GRK2: variants seen among roughly 807,000 people sequenced by gnomAD.
GRK2 encodes G protein-coupled receptor kinase 2.
GRK2 carries 23 observed loss-of-function variants against 97.8 expected under a neutral mutation model. The ratio of observed to expected loss-of-function variants is 0.24; its 90% CI spans 0.17 to 0.33. The LOEUF (loss-of-function observed/expected upper bound fraction) is 0.33, where lower values mean the gene tolerates loss of function less well. GRK2 is among the 10% of genes least tolerant of loss of function. The pLI, the probability that GRK2 is intolerant of heterozygous loss-of-function variation, is 1.00. For synonymous variants in GRK2, 425 were observed against 381.7 expected, an observed-to-expected ratio of 1.11 and a Z score of -1.32; for missense variants, 633 against 956.9, an observed-to-expected ratio of 0.66 and a Z score of 4.47.
chr11:67,281,309 C>G lies in GRK2; in HGVS notation c.647+125C>G. 9.3e-7 allele frequency: 1 copy of G among 1,075,108 alleles called. No homozygotes were observed. Among genetic ancestry groups the G allele is most frequent in the South Asian group, 1.4e-5 (1 of 71,042 alleles). The allele number at this position is 1,075,108 out of a possible 1,614,324, so 66.6% of individuals were successfully genotyped here. On this transcript the variant is annotated intron_variant, in intron 8 of 20. Coordinates refer to ENST00000308595, the MANE Select transcript of GRK2 (RefSeq NM_001619.5). The surrounding 1 kb of genome is among the most constrained non-coding windows in gnomAD (Gnocchi z 5.7). The stretch of plus-strand genomic sequence containing the variant: ...CACTCCTGTCTTGCCGTGCTGTTAC[C>G]CCCGCAGGCTCCTCTGGCCCCAGCC...
chr11:67,282,690 C>T lies in GRK2; in HGVS notation c.1161-62C>T, dbSNP rs1171367261. ...TGACTTTGGCCACAGCTCATCCATGCTGCCTGCCTCCCTTTCCCCATTCCT... is the reference window on the plus strand; with the variant it reads ...TGACTTTGGCCACAGCTCATCCATGTTGCCTGCCTCCCTTTCCCCATTCCT... On this transcript the variant is annotated intron_variant, in intron 13 of 20. Coordinates refer to ENST00000308595, the MANE Select transcript of GRK2 (RefSeq NM_001619.5). The surrounding 1 kb of genome is among the most constrained non-coding windows in gnomAD (Gnocchi z 6.9). 6.3e-7 allele frequency: 1 copy of T among 1,594,614 alleles called. No individual in the cohort carries two copies.
intron 6 of GRK2, chr11:67,280,278 T>C (rs1860121116): frequency 5.2e-6 from 2 of 381,522 alleles, no homozygotes; most frequent in Non-Finnish European, 4.9e-6. Flanking sequence ...CCCGTGACCC[T>C]CACAGCCAGA....
Position 67,269,106 on chromosome 11 carries a change from G to T in GRK2, c.113+2294G>T, listed in dbSNP as rs555679349. On this transcript the variant is annotated intron_variant, in intron 1 of 20. Transcript: ENST00000308595. This position sits in a 1 kb window ranked among gnomAD's most constrained non-coding sequence, Gnocchi z 4.1. ...TGGCCACCCCTACATGGGGGTCCAG[G>T]CCTGGGGCATTAGGGAGCAGGCCAC... is the stretch of plus-strand genomic sequence containing the variant. Among the ~76,000 whole-genome samples, 1 of 152,372 alleles carries T rather than the reference G, an allele frequency of 6.6e-6. No individual in the cohort carries two copies. Among genetic ancestry groups the T allele is most frequent in the Admixed American group, 6.5e-5 (1 of 15,308 alleles).
Position 67,266,826 on chromosome 11 carries a change from G to A in GRK2, c.113+14G>A. ...GCCCGAGCCCAGGTGAGGAGAAGCT[G>A]CCCGCGGCCCCGGCCCGACCCCGCG... On this transcript the variant is annotated intron_variant, in intron 1 of 20. Transcript: ENST00000308595. 1 of 1,234,270 alleles carries A rather than the reference G, an allele frequency of 8.1e-7. No homozygotes were observed. Among genetic ancestry groups the A allele is most frequent in the Non-Finnish European group, 1.0e-6 (1 of 972,076 alleles). The allele number at this position is 1,234,270 out of a possible 1,614,324, so 76.5% of individuals were successfully genotyped here. A position where few individuals can be genotyped will look rare whatever the true frequency, so the allele number is the denominator to read the frequency against.
At position 67,279,998 on chromosome 11, in the gene GRK2, C is replaced by A. The variant is rs909554071; in HGVS notation, c.503+98C>A. The A allele has an allele frequency of 9.0e-5, 115 of 1,272,022 alleles. 1 individual carries two copies. Among genetic ancestry groups the A allele is most frequent in the Non-Finnish European group, 1.2e-4 (102 of 876,928 alleles). The allele number at this position is 1,272,022 out of a possible 1,614,324, so 78.8% of individuals were successfully genotyped here. On this transcript the variant is annotated intron_variant, in intron 6 of 20. Transcript: ENST00000308595. The stretch of plus-strand genomic sequence containing the variant: ...AGGGCAGAAGCCAGCCTTCATTAGG[C>A]CCTGAGCAGGCAGGTGGCTGGCCCG...
intron 6 of GRK2, 68 bp from the exon 7 acceptor site, chr11:67,280,664 G>C: frequency 6.3e-7 from 1 of 1,581,092 alleles, no homozygotes; most frequent in Non-Finnish European, 8.7e-7. Flanking sequence ...GCTGGGTGGG[G>C]AGGCTCACGA....
chr11:67,273,011 G>T (rs558279181), intron 1 of GRK2, among the ~76,000 whole-genome samples: 1 of 152,378 alleles, frequency 6.6e-6, no homozygotes, highest in African/African-American at 2.4e-5. Flanking sequence ...CTCTCCCATG[G>T]CCCAGCAGGC....
chr11:67,271,822 C>T (rs1859913653), intron 1 of GRK2, among the ~76,000 whole-genome samples: 2 of 152,328 alleles, frequency 1.3e-5, no homozygotes, highest in South Asian at 2.1e-4. Context: ...CTTGTTCGCC[C>T]CAGGGAGAGT....
intron 1 of GRK2, among the ~76,000 whole-genome samples, 158 bp downstream of exon 1, chr11:67,266,970 C>G (rs2136485466): frequency 6.6e-6 from 1 of 151,880 alleles, no homozygotes; most frequent in East Asian, 2.0e-4. Context: ...CCGGCCTTGG[C>G]GCCTGCGGGT....
At chr11:67,271,818 C>T (rs554288383) in intron 1 of GRK2, among the ~76,000 whole-genome samples, 3 of 152,212 alleles carry the variant, frequency 2.0e-5, no homozygotes, top group Non-Finnish European at 2.9e-5. Flanking sequence ...CGTCCTTGTT[C>T]GCCCCAGGGA....
At chr11:67,267,702 G>A (rs1859827157) in intron 1 of GRK2, among the ~76,000 whole-genome samples, 1 of 152,260 alleles carries the variant, frequency 6.6e-6, no homozygotes, top group Admixed American at 6.5e-5. Flanking sequence ...AAGTACACAG[G>A]ATGTGGACGA....
chr11:67,271,882 C>T (rs1430708512), intron 1 of GRK2, among the ~76,000 whole-genome samples: 1 of 152,194 alleles, frequency 6.6e-6, no homozygotes, highest in African/African-American at 2.4e-5. Flanking sequence ...GCTGCTGGCA[C>T]CTTGGTGTCT....
At chr11:67,271,861 G>A (rs947443949) in intron 1 of GRK2, among the ~76,000 whole-genome samples, 30 of 152,320 alleles carry the variant, frequency 2.0e-4, no homozygotes, top group Admixed American at 1.7e-3. Flanking sequence ...AGCCCCAGGG[G>A]ACTTCCTTCT....
intron 17 of GRK2, 42 bp from the exon 18 acceptor site, chr11:67,284,169 C>A: frequency 6.2e-7 from 1 of 1,609,600 alleles, no homozygotes; most frequent in Non-Finnish European, 8.5e-7. Flanking sequence ...ATTCCGGCAT[C>A]TCTGTCCACC....
intron 1 of GRK2, among the ~76,000 whole-genome samples, chr11:67,271,749 T>G (rs1394901214): frequency 6.6e-6 from 1 of 152,234 alleles, no homozygotes; most frequent in Non-Finnish European, 1.5e-5. Flanking sequence ...TCTCCCCTGC[T>G]CAGGGCTTAC....
intron 2 of GRK2, among the ~76,000 whole-genome samples, chr11:67,277,885 C>CCACATGTGG (rs1860069071): frequency 6.6e-6 from 1 of 152,256 alleles, no homozygotes; most frequent in African/African-American, 2.4e-5. Flanking sequence ...TCTCGGGAAG[C>CCACATGTGG]AGGCTCCAGC....
At position 67,281,942 on chromosome 11, in the gene GRK2, G is replaced by A. The variant is rs2136503015; in HGVS notation, c.947G>A (p.Arg316Gln). The A allele has an allele frequency of 6.2e-7, 1 of 1,613,254 alleles. No individual in the cohort carries two copies. Among genetic ancestry groups the A allele is most frequent in the Non-Finnish European group, 8.5e-7 (1 of 1,179,926 alleles). ...ATGCACAACCGCTTCGTGGTCTACC[G>A]GGACCTGAAGGTGAGCGCCCCTGCT... ...EHMHNRFVVY[R>Q]DLKPANILLD... The change falls in exon 11 of 21, where the codon CGG (arginine) becomes CAG (glutamine). Residue 316 changes from arginine to glutamine, a missense_variant. Around this residue, in one of 4 missense-constraint regions of GRK2, gnomAD observed 192 missense variants for 362.3 expected, o/e 0.53. Coordinates refer to ENST00000308595, the MANE Select transcript of GRK2 (RefSeq NM_001619.5). This position sits in a 1 kb window ranked among gnomAD's most constrained non-coding sequence, Gnocchi z 5.7.
In GRK2 at chr11:67,277,284, C is replaced by T; in HGVS notation, c.126C>T (p.Val42=). 1.9e-6 allele frequency: 3 copies of T among 1,613,700 alleles called. No individual in the cohort carries two copies. Among genetic ancestry groups the T allele is most frequent in the Non-Finnish European group, 2.5e-6 (3 of 1,179,960 alleles). ...ILLPEPSIRS[V]MQKYLEDRGE... ...CCCTGACCCACAGCATCCGCAGTGT[C>T]ATGCAGAAGTACCTGGAGGACCGGG... is the stretch of plus-strand genomic sequence containing the variant. The change falls in exon 2 of 21, where the codon GTC becomes GTT. Residue 42 remains valine (V), a synonymous_variant. Transcript: ENST00000308595.
At chr11:67,277,905 C>T (rs986673627) in intron 2 of GRK2, among the ~76,000 whole-genome samples, 4 of 152,228 alleles carry the variant, frequency 2.6e-5, no homozygotes, top group African/African-American at 9.6e-5. Context: ...CCCCACATGG[C>T]TCTGATTTGG....
Sources: gnomAD v4.1 joint callset for allele counts (sites outside exome capture counted in the v4.1 genomes callset) on GRCh38, gnomAD v4.1.1 for gene constraint, gnomAD v4.1.1 regional missense constraint, Gnocchi (gnomAD v3.1) non-coding constraint, MANE v1.5 for transcripts, NCBI Gene and HGNC (gene_info 2026-07-23, HGNC 2026-07-21) for gene names.